The following ELAVL2 variants were observed in gnomAD, a reference collection of about 807,000 sequenced individuals.
ELAVL2 encodes ELAV like RNA binding protein 2, also known as ELAV-like protein 2.
A neutral mutation model predicts 34.6 loss-of-function variants in ELAVL2; 4 were observed. The observed-to-expected ratio is 0.12, with a 90% CI of 0.06 to 0.26. The LOEUF (loss-of-function observed/expected upper bound fraction) is 0.26. Ranked by LOEUF, ELAVL2 falls within the 10% of genes least tolerant of loss-of-function variation. The pLI is 1.00. For missense variants in ELAVL2, 432 were observed against 442.8 expected, an observed-to-expected ratio of 0.98 and a Z score of 0.22; for synonymous variants, 193 against 154.8, an observed-to-expected ratio of 1.25 and a Z score of -1.83.
chr9:23,719,188 G>C (rs751748419), intron 3 of ELAVL2, among the ~76,000 whole-genome samples: 4 of 152,144 alleles, frequency 2.6e-5, no homozygotes, highest in African/African-American at 4.8e-5. Flanking sequence ...CCCGTCCTGA[G>C]ATATTTAATT....
chr9:23,788,982 G>GA (rs1206188464), intron 1 of ELAVL2, among the ~76,000 whole-genome samples: 2 of 152,190 alleles, frequency 1.3e-5, no homozygotes, highest in Non-Finnish European at 2.9e-5. Flanking sequence ...CATGGAAAGC[G>GA]AAACTGTGGG....
At chr9:23,802,308 A>G (rs575210514) in intron 1 of ELAVL2, among the ~76,000 whole-genome samples, 1 of 152,338 alleles carries the variant, frequency 6.6e-6, no homozygotes, top group South Asian at 2.1e-4. Context: ...TGTTAGTGCT[A>G]CAAGGGACTT....
chr9:23,829,031 T>C (rs187638741), upstream of ELAVL2, among the ~76,000 whole-genome samples: 121 of 151,958 alleles, frequency 8.0e-4, no homozygotes, highest in Admixed American at 1.6e-3. Context: ...TTTTCACTCA[T>C]AGTTTGGTAA....
intron 1 of ELAVL2, among the ~76,000 whole-genome samples, chr9:23,814,405 G>T (rs770687744): frequency 6.6e-6 from 1 of 152,152 alleles, no homozygotes; most frequent in Non-Finnish European, 1.5e-5. Flanking sequence ...GATAAACAAG[G>T]GACAGAGGGC....
intron 2 of ELAVL2, among the ~76,000 whole-genome samples, chr9:23,760,547 CG>C (rs2054735759): frequency 6.6e-6 from 1 of 151,890 alleles, no homozygotes; most frequent in Non-Finnish European, 1.5e-5. Flanking sequence ...ACGACAGAGA[CG>C]TAAGAGCAGC....
intron 5 of ELAVL2, among the ~76,000 whole-genome samples, chr9:23,696,700 G>A (rs1393528786): frequency 6.6e-6 from 1 of 152,054 alleles, no homozygotes; most frequent in South Asian, 2.1e-4. Flanking sequence ...TCGATCTCCT[G>A]ACCTCGTGAT....
intron 2 of ELAVL2, among the ~76,000 whole-genome samples, chr9:23,731,580 A>T (rs1182177194): frequency 2.0e-5 from 3 of 152,214 alleles, no homozygotes; most frequent in Non-Finnish European, 4.4e-5. Context: ...ACATATTTAC[A>T]GCCTTTACCA....
At chr9:23,700,316 C>A (rs1335836674) in intron 5 of ELAVL2, among the ~76,000 whole-genome samples, 3 of 152,140 alleles carry the variant, frequency 2.0e-5, no homozygotes, top group Non-Finnish European at 4.4e-5. Context: ...ATAAAAACTG[C>A]ATGACTTGCT....
intron 2 of ELAVL2, among the ~76,000 whole-genome samples, chr9:23,738,002 G>C (rs139025609): frequency 2.5e-4 from 38 of 152,288 alleles, no homozygotes; most frequent in African/African-American, 9.1e-4. Context: ...TAAAGACCCT[G>C]TTGCCTCCTG....
intron 2 of ELAVL2, among the ~76,000 whole-genome samples, chr9:23,733,366 A>AT (rs1187818671): frequency 5.3e-5 from 8 of 152,070 alleles, no homozygotes; most frequent in South Asian, 4.1e-4. Context: ...TTGGGCTCTG[A>AT]TTTTATCAGT....
rs74523439 is a variant in ELAVL2, at chr9:23,764,292, T to C, written c.-15-2043A>G. On this transcript the variant is annotated intron_variant, in intron 1 of 6. Transcript: ENST00000397312. ...TAGCATTTGAAATACAAAGTGTTCATTGACTGAAATCAGCAAGATTTAGAA... is the reference window on the plus strand; with the variant it reads ...TAGCATTTGAAATACAAAGTGTTCACTGACTGAAATCAGCAAGATTTAGAA... 3.6e-3 allele frequency among the ~76,000 whole-genome samples: 555 copies of C among 152,258 alleles called. 16 individuals carry two copies. In the East Asian group the frequency reaches 0.064, roughly 18 times the overall value.
At chr9:23,800,451 C>G (rs993338786) in intron 1 of ELAVL2, among the ~76,000 whole-genome samples, 11 of 152,160 alleles carry the variant, frequency 7.2e-5, no homozygotes, top group Non-Finnish European at 1.2e-4. Flanking sequence ...ACCATGCTTA[C>G]ATGAGGAGAA....
At chr9:23,711,943 C>A (rs1321810331) in intron 3 of ELAVL2, among the ~76,000 whole-genome samples, 1 of 152,124 alleles carries the variant, frequency 6.6e-6, no homozygotes, top group Non-Finnish European at 1.5e-5. Flanking sequence ...ACATTATACG[C>A]ATTGGTACTT....
At chr9:23,776,414 C>A (rs2058196087) in intron 1 of ELAVL2, among the ~76,000 whole-genome samples, 1 of 152,090 alleles carries the variant, frequency 6.6e-6, no homozygotes, top group Non-Finnish European at 1.5e-5. Flanking sequence ...TGTGTAAAAT[C>A]AAGAGGAAAC....
At chr9:23,796,353 A>C (rs576124948) in intron 1 of ELAVL2, among the ~76,000 whole-genome samples, 5 of 152,328 alleles carry the variant, frequency 3.3e-5, no homozygotes, top group African/African-American at 1.2e-4. Flanking sequence ...CCTCACAATT[A>C]CTGTCCATTT....
At chr9:23,730,952 A>G (rs1253416191) in intron 3 of ELAVL2, 70 bp downstream of exon 3, 14 of 1,398,674 alleles carry the variant, frequency 1.0e-5, no homozygotes, top group South Asian at 1.3e-5. Flanking sequence ...GAAAGGAAAG[A>G]ACTACAAATA....
At chr9:23,787,169 T>C (rs2059791460) in intron 1 of ELAVL2, among the ~76,000 whole-genome samples, 1 of 152,166 alleles carries the variant, frequency 6.6e-6, no homozygotes, top group African/African-American at 2.4e-5. Flanking sequence ...ATTAATTTAA[T>C]TTAGGATATG....
At chr9:23,821,424 A>T in intron 1 of ELAVL2, 1 of 152,108 alleles carries the variant, frequency 6.6e-6, no homozygotes, top group East Asian at 2.0e-4. Context: ...AGCTCTAGGA[A>T]CTTCGCGGGC....
intron 1 of ELAVL2, among the ~76,000 whole-genome samples, chr9:23,780,914 T>TTAGA (rs2058970733): frequency 6.6e-6 from 1 of 152,094 alleles, no homozygotes; most frequent in Non-Finnish European, 1.5e-5. Context: ...AGAGAAGCAA[T>TTAGA]TATCTCATTC....
Sources: gnomAD v4.1 joint callset for allele counts (sites outside exome capture counted in the v4.1 genomes callset) on GRCh38, gnomAD v4.1.1 for gene constraint, MANE v1.5 for transcripts, NCBI Gene and HGNC (gene_info 2026-07-23, HGNC 2026-07-21) for gene names.